FBXL4: variants seen among roughly 807,000 people sequenced by gnomAD.
FBXL4 encodes the protein F-box/LRR-repeat protein 4.
In FBXL4, 40 loss-of-function variants were observed where a neutral mutation model predicts 58.9. The ratio of observed to expected loss-of-function variants is 0.68; its 90% CI spans 0.53 to 0.88. The LOEUF (loss-of-function observed/expected upper bound fraction) is 0.88, where lower values mean the gene tolerates loss of function less well. Ranked by LOEUF, FBXL4 falls within the 40% of genes least tolerant of loss-of-function variation. The pLI, the probability that FBXL4 is intolerant of heterozygous loss-of-function variation, is 0.00. For synonymous variants in FBXL4, 263 were observed against 265.5 expected, an observed-to-expected ratio of 0.99 and a Z score of 0.09; for missense variants, 676 against 734.4, an observed-to-expected ratio of 0.92 and a Z score of 0.92.
chr6:98,874,533 G>A lies in FBXL4; in HGVS notation c.1703-92C>T, dbSNP rs1278307129. 2.3e-6 allele frequency: 3 copies of A among 1,331,826 alleles called. No individual in the cohort carries two copies. In the African/African-American group the frequency reaches 4.6e-5, roughly 20 times the overall value. The allele number at this position is 1,331,826 out of a possible 1,614,324, so 82.5% of individuals were successfully genotyped here. A position where few individuals can be genotyped will look rare whatever the true frequency, so the allele number is the denominator to read the frequency against. On this transcript the variant is annotated intron_variant, in intron 9 of 9. Coordinates refer to ENST00000369244, the MANE Select transcript of FBXL4 (RefSeq NM_001278716.2). ...ACAATGAATCCATCCATGATTTATT[G>A]TTTGTAATGAACTTAAAATAACCCT...
chr6:98,883,538 CAG>C (rs1481892342), intron 7 of FBXL4, among the ~76,000 whole-genome samples: 1 of 151,298 alleles, frequency 6.6e-6, no homozygotes, highest in African/African-American at 2.4e-5. Flanking sequence ...TTTTTAAAAT[CAG>C]AGTTTTAGAG....
intron 8 of FBXL4, among the ~76,000 whole-genome samples, chr6:98,876,150 G>C (rs527831013): frequency 2.0e-5 from 3 of 152,218 alleles, no homozygotes; most frequent in African/African-American, 7.2e-5. Context: ...ATGTGTATCT[G>C]GTAGGCTCTA....
At chr6:98,916,388 T>G (rs1373034534) in intron 5 of FBXL4, among the ~76,000 whole-genome samples, 3 of 152,168 alleles carry the variant, frequency 2.0e-5, no homozygotes, top group Admixed American at 1.3e-4. Flanking sequence ...TGAGGCACTA[T>G]TCACAATAGC....
At chr6:98,912,193 TG>T (rs1562235972) in intron 5 of FBXL4, among the ~76,000 whole-genome samples, 1 of 152,138 alleles carries the variant, frequency 6.6e-6, no homozygotes, top group African/African-American at 2.4e-5. Context: ...ACCAAATCTA[TG>T]TCTGATTGGC....
intron 7 of FBXL4, among the ~76,000 whole-genome samples, chr6:98,889,437 T>C (rs577765455): frequency 6.6e-6 from 1 of 152,228 alleles, no homozygotes; most frequent in Admixed American, 6.5e-5. Context: ...TTCACTGCAC[T>C]TTGGGAGGCT....
chr6:98,917,669 G>A lies in FBXL4; in HGVS notation c.563C>T (p.Ala188Val). 1 of 1,613,200 alleles carries A rather than the reference G, an allele frequency of 6.2e-7. No homozygotes were observed. The highest frequency in any genetic ancestry group is 1.1e-5 in the South Asian group (1 of 90,912). The stretch of plus-strand genomic sequence containing the variant: ...CTTAATACAAGGTTTAAACTGGCGA[G>A]CTTGGGAAGCATTCACCTTCGTAGG... ...ERPTKVNASQ[A>V]RQFKPCIKQI... The change falls in exon 5 of 10, where the codon GCT becomes GTT. Residue 188 changes from alanine to valine, a missense_variant. Physicochemically the swap from Ala to Val is moderately conservative, Grantham distance 64. Transcript: ENST00000369244.
At chr6:98,928,526 C>T (rs1772880034) in intron 2 of FBXL4, among the ~76,000 whole-genome samples, 1 of 152,040 alleles carries the variant, frequency 6.6e-6, no homozygotes, top group Admixed American at 6.6e-5. Flanking sequence ...AACAGGGTTT[C>T]ACCATGTTAG....
intron 7 of FBXL4, among the ~76,000 whole-genome samples, chr6:98,890,212 T>C (rs935572822): frequency 2.0e-5 from 3 of 152,192 alleles, no homozygotes; most frequent in Non-Finnish European, 4.4e-5. Context: ...ATTATAACAC[T>C]CAATATAGGA....
At chr6:98,890,937 CA>C (rs1004712170) in intron 7 of FBXL4, among the ~76,000 whole-genome samples, 2 of 150,248 alleles carry the variant, frequency 1.3e-5, no homozygotes, top group South Asian at 2.1e-4. Context: ...AAAAAAACAA[CA>C]AAAAAAAAGT....
intron 1 of FBXL4, among the ~76,000 whole-genome samples, chr6:98,936,339 G>A (rs1773216347): frequency 6.6e-6 from 1 of 152,168 alleles, no homozygotes; most frequent in South Asian, 2.1e-4. Flanking sequence ...AGCAAAAACT[G>A]ATCTGCTTTC....
Position 98,874,450 on chromosome 6 carries a change from G to A in FBXL4, c.1703-9C>T, listed in dbSNP as rs780793598. 1 of 1,599,326 alleles carries A rather than the reference G, an allele frequency of 6.3e-7. No homozygotes were observed. The highest frequency in any genetic ancestry group is 1.1e-5 in the South Asian group (1 of 88,192). Reference sequence around the variant, plus strand: ...ACTTACCATTCTTGTTCCTATTTAAGGGAAACAAAACAAAACAAAACAAAA... The same window carrying A: ...ACTTACCATTCTTGTTCCTATTTAAAGGAAACAAAACAAAACAAAACAAAA... On this transcript the variant is annotated splice_polypyrimidine_tract_variant and intron_variant, in intron 9 of 9. Transcript: ENST00000369244.
At position 98,905,419 on chromosome 6, in the gene FBXL4, T is replaced by C. The variant is rs771325864; in HGVS notation, c.1103+7A>G. 1.2e-6 allele frequency: 2 copies of C among 1,613,784 alleles called. No homozygotes were observed. The highest frequency in any genetic ancestry group is 1.7e-5 in the Admixed American group (1 of 59,998). On this transcript the variant is annotated splice_region_variant and intron_variant, in intron 6 of 9. Coordinates refer to ENST00000369244, the MANE Select transcript of FBXL4 (RefSeq NM_001278716.2). Reference sequence around the variant, plus strand: ...GGAAAAAAACTTCATCAAGGCTTTGTACTAACCTGCTAAATCCTGCAACAG... The same window carrying C: ...GGAAAAAAACTTCATCAAGGCTTTGCACTAACCTGCTAAATCCTGCAACAG...
intron 7 of FBXL4, chr6:98,897,486 T>G (rs1253686137): frequency 1.0e-5 from 4 of 385,150 alleles, no homozygotes; most frequent in East Asian, 1.6e-4. Flanking sequence ...AATCAAAGTC[T>G]TCTTTCCACC....
In FBXL4 at chr6:98,868,965, C is replaced by A. The variant is rs1054040597; in HGVS notation, c.*5313G>T. ...TGCTGTGCCAAAGGAATAATCTTGG[C>A]CCCATCCCTACTTATAAAAAATATA... is the stretch of plus-strand genomic sequence containing the variant. On this transcript the variant is annotated 3_prime_UTR_variant, in exon 10 of 10. Coordinates refer to ENST00000369244, the MANE Select transcript of FBXL4 (RefSeq NM_001278716.2). The A allele has an allele frequency of 6.6e-6, 1 of 152,118 alleles. No individual in the cohort carries two copies. 9.4% of individuals were successfully genotyped at this position (152,118 alleles called of 1,614,324 possible). A position where few individuals can be genotyped will look rare whatever the true frequency, so the allele number is the denominator to read the frequency against.
intron 7 of FBXL4, among the ~76,000 whole-genome samples, chr6:98,896,060 A>T (rs1365974796): frequency 6.6e-6 from 1 of 152,144 alleles, no homozygotes; most frequent in Non-Finnish European, 1.5e-5. Flanking sequence ...GAAAACTAAA[A>T]TTATTATCTT....
At position 98,870,421 on chromosome 6, in the gene FBXL4, T is replaced by C. The variant is rs924676737; in HGVS notation, c.*3857A>G. ...AACTTTCAGTGCTCATGAAATTTTATTGGAACATGGCCACACTCATTCGTT... is the reference window on the plus strand; with the variant it reads ...AACTTTCAGTGCTCATGAAATTTTACTGGAACATGGCCACACTCATTCGTT... On this transcript the variant is annotated 3_prime_UTR_variant, in exon 10 of 10. Transcript: ENST00000369244. The C allele has an allele frequency of 4.6e-5, 7 of 152,220 alleles. No individual in the cohort carries two copies. The highest frequency in any genetic ancestry group is 2.1e-4 in the South Asian group (1 of 4,834). The allele number at this position is 152,220 out of a possible 1,614,324, so 9.4% of individuals were successfully genotyped here.
At chr6:98,947,354 G>A (rs1310813212) in intron 1 of FBXL4, among the ~76,000 whole-genome samples, 1 of 152,214 alleles carries the variant, frequency 6.6e-6, no homozygotes, top group Non-Finnish European at 1.5e-5. Context: ...AAAGAAAACA[G>A]GCCTGGTTAG....
chr6:98,889,602 A>G (rs376016913), intron 7 of FBXL4, among the ~76,000 whole-genome samples: 3 of 150,258 alleles, frequency 2.0e-5, no homozygotes, highest in African/African-American at 7.4e-5. Flanking sequence ...GATCACTTGA[A>G]CCTGGCAGGC....
intron 7 of FBXL4, among the ~76,000 whole-genome samples, chr6:98,894,457 A>G (rs1771343160): frequency 6.6e-6 from 1 of 152,178 alleles, no homozygotes; most frequent in Non-Finnish European, 1.5e-5. Context: ...TTCAGGAGGA[A>G]AAAAAATTAC....
Sources: gnomAD v4.1 joint callset for allele counts (sites outside exome capture counted in the v4.1 genomes callset) on GRCh38, gnomAD v4.1.1 for gene constraint, MANE v1.5 for transcripts, NCBI Gene and HGNC (gene_info 2026-07-23, HGNC 2026-07-21) for gene names.